The following PCDHA5 variants were observed in gnomAD, a reference collection of about 807,000 sequenced individuals.
The protein encoded by PCDHA5 is protocadherin alpha-5.
Under a neutral mutation model 61.6 loss-of-function variants are expected in PCDHA5, and 43 were observed. That is an observed-to-expected ratio of 0.70 (90% CI 0.55 to 0.90). PCDHA5 has a LOEUF of 0.90. PCDHA5 is among the 40% of genes least tolerant of loss of function. PCDHA5 has a pLI of 0.00. For synonymous variants in PCDHA5, 627 were observed against 543.9 expected (o/e 1.15, Z -2.13); for missense variants, 1,298 against 1,222.7 (o/e 1.06, Z -0.92).
At chr5:140,940,199 A>G (rs1253658459) in intron 1 of PCDHA5, among the ~76,000 whole-genome samples, 2 of 152,136 alleles carry the variant, frequency 1.3e-5, no homozygotes, top group Non-Finnish European at 2.9e-5. Flanking sequence ...CATGGGTGTA[A>G]AATTCAAGAT....
At chr5:140,972,514 A>G (rs2096539827) in intron 1 of PCDHA5, among the ~76,000 whole-genome samples, 1 of 152,260 alleles carries the variant, frequency 6.6e-6, no homozygotes, top group Admixed American at 6.5e-5. Context: ...TTTTACCCCC[A>G]GTGAGCTTAT....
In PCDHA5 at chr5:140,882,891, A is replaced by T. The variant is rs782750187; in HGVS notation, c.2352+58764A>T. 1 of 1,614,230 alleles carries T rather than the reference A, an allele frequency of 6.2e-7. No individual in the cohort carries two copies. The highest frequency in any genetic ancestry group is 8.5e-7 in the Non-Finnish European group (1 of 1,180,042). On this transcript the variant is annotated intron_variant, in intron 1 of 3. Transcript: ENST00000529859. ...CTGGACAGAGAGGAAATTCAGGAAC[A>T]TAGTTTATTACTGACAGCCAGTGAT...
chr5:140,869,998 G>A (rs782322898), intron 1 of PCDHA5: 1 of 1,613,436 alleles, frequency 6.2e-7, no homozygotes. Context: ...TCAAAATAAT[G>A]GAGAAGTGAG....
chr5:140,857,319 T>A, intron 1 of PCDHA5: 3 of 1,598,650 alleles, frequency 1.9e-6, no homozygotes, highest in Non-Finnish European at 2.6e-6. Flanking sequence ...GAGCTGGTGG[T>A]GACCGCGCGG....
At chr5:140,879,634 C>T (rs888836313) in intron 1 of PCDHA5, among the ~76,000 whole-genome samples, 2 of 152,306 alleles carry the variant, frequency 1.3e-5, no homozygotes, top group Admixed American at 1.3e-4. Context: ...GTAAGTGTGT[C>T]GCTTCCTGTG....
rs1214081504 is a variant in PCDHA5, at chr5:140,848,716, T to C, written c.2352+24589T>C. On this transcript the variant is annotated intron_variant, in intron 1 of 3. Coordinates refer to ENST00000529859, the MANE Select transcript of PCDHA5 (RefSeq NM_018908.3). Reference sequence around the variant, plus strand: ...TTGGATTCCAAAGGCCGCGGGGACCTTCTGGAGGTAAATCTGCAGAATGGC... The same window carrying C: ...TTGGATTCCAAAGGCCGCGGGGACCCTCTGGAGGTAAATCTGCAGAATGGC... 1 of 1,592,460 alleles carries C rather than the reference T, an allele frequency of 6.3e-7. No homozygotes were observed.
At chr5:140,825,436 A>C (rs1327783797) in intron 1 of PCDHA5, 1 of 147,728 alleles carries the variant, frequency 6.8e-6, no homozygotes, top group Non-Finnish European at 1.5e-5. Context: ...TAAATATATA[A>C]TAATAATATA....
chr5:140,850,692 G>A lies in PCDHA5; in HGVS notation c.2352+26565G>A, dbSNP rs2150494456. The A allele has an allele frequency of 1.9e-6, 3 of 1,598,344 alleles. 1 individual carries two copies. The Admixed American group carries it at 5.1e-5, about 27-fold the overall frequency. On this transcript the variant is annotated intron_variant, in intron 1 of 3. Transcript: ENST00000529859. ...GGCGATGCCCACCGAGGGCGAGTGC[G>A]CGCCTGGCAAGCCGACGCTGGTGTG...
At chr5:140,863,799 G>A (rs1246230954) in intron 1 of PCDHA5, 10 of 212,460 alleles carry the variant, frequency 4.7e-5, no homozygotes, top group Non-Finnish European at 8.6e-5. Context: ...AGGAGTTTGA[G>A]ACCAGCCTGG....
chr5:140,882,303 G>A, intron 1 of PCDHA5: 1 of 1,613,824 alleles, frequency 6.2e-7, no homozygotes. Context: ...CCAAGACCGC[G>A]GCAACTACTG....
intron 3 of PCDHA5, among the ~76,000 whole-genome samples, chr5:140,985,779 G>A (rs2097170620): frequency 7.9e-6 from 1 of 126,148 alleles, no homozygotes; most frequent in Non-Finnish European, 1.6e-5. Flanking sequence ...TCGCTCTGTC[G>A]CCCAGGCTGG....
At chr5:140,862,688 A>G in intron 1 of PCDHA5, 1 of 553,472 alleles carries the variant, frequency 1.8e-6, no homozygotes, top group Non-Finnish European at 3.6e-6. Flanking sequence ...CTGGTGTCCT[A>G]CTCGTTGATG....
chr5:140,906,822 T>C (rs2072968102), intron 1 of PCDHA5, among the ~76,000 whole-genome samples: 1 of 152,142 alleles, frequency 6.6e-6, no homozygotes, highest in African/African-American at 2.4e-5. Context: ...CACTGTGGAG[T>C]AGTAGACTGA....
intron 1 of PCDHA5, chr5:140,926,553 A>T: frequency 4.3e-6 from 1 of 233,838 alleles, no homozygotes; most frequent in East Asian, 9.1e-5. Context: ...TCGAGACCCC[A>T]GCCCGCTGCT....
At chr5:140,897,237 G>C (rs1188679482) in intron 1 of PCDHA5, among the ~76,000 whole-genome samples, 1 of 151,784 alleles carries the variant, frequency 6.6e-6, no homozygotes, top group African/African-American at 2.4e-5. Context: ...CAATGTGCAG[G>C]TTAGTTACAT....
At chr5:140,977,978 G>A (rs1401757319) in intron 1 of PCDHA5, among the ~76,000 whole-genome samples, 2 of 152,048 alleles carry the variant, frequency 1.3e-5, no homozygotes, top group Non-Finnish European at 2.9e-5. Flanking sequence ...CCATGAAAAC[G>A]CATCTAGAGG....
At chr5:140,933,863 A>G (rs2089469278) in intron 1 of PCDHA5, among the ~76,000 whole-genome samples, 1 of 151,666 alleles carries the variant, frequency 6.6e-6, no homozygotes, top group Non-Finnish European at 1.5e-5. Context: ...ATTTTTTCAG[A>G]TATATGTTAG....
At chr5:140,870,122 T>G in intron 1 of PCDHA5, 1 of 1,613,956 alleles carries the variant, frequency 6.2e-7, no homozygotes. Flanking sequence ...GTGGAAATCT[T>G]GGACACCAAC....
Position 140,823,552 on chromosome 5 carries a change from G to A in PCDHA5, c.1777G>A (p.Val593Met), listed in dbSNP as rs2150126819. 1 of 1,613,888 alleles carries A rather than the reference G, an allele frequency of 6.2e-7. No homozygotes were observed. Among genetic ancestry groups the A allele is most frequent in the Non-Finnish European group, 8.5e-7 (1 of 1,179,914 alleles). Residue 593 changes from valine (V) to methionine (M), a missense_variant, in exon 1 of 4, where the codon GTG becomes ATG. Val to Met is a conservative substitution (Grantham distance 21, BLOSUM62 1). Coordinates refer to ENST00000529859, the MANE Select transcript of PCDHA5 (RefSeq NM_018908.3). ...SVGAGHVVAK[V>M]RAVDPDSGYN... The stretch of plus-strand genomic sequence containing the variant: ...GGGTGCGGGCCACGTGGTGGCGAAG[G>A]TGCGCGCAGTGGACCCTGATTCGGG...
Sources: gnomAD v4.1 joint callset for allele counts (sites outside exome capture counted in the v4.1 genomes callset) on GRCh38, gnomAD v4.1.1 for gene constraint, MANE v1.5 for transcripts, NCBI Gene and HGNC (gene_info 2026-07-23, HGNC 2026-07-21) for gene names.